Variants in FAM120B observed in about 807,000 individuals in gnomAD.
FAM120B encodes the protein constitutive coactivator of peroxisome proliferator-activated receptor gamma.
FAM120B carries 83 observed loss-of-function variants against 96.3 expected under a neutral mutation model. That is an observed-to-expected ratio of 0.86 (90% CI 0.72 to 1.03). FAM120B has a LOEUF of 1.03. FAM120B is among the 50% of genes least tolerant of loss of function. The probability of loss-of-function intolerance (pLI) is 0.00; values close to 1 mark genes in which losing one functional copy is unlikely to be tolerated. For synonymous variants in FAM120B, 407 were observed against 402.7 expected (o/e 1.01, Z -0.13); for missense variants, 1,027 against 1,121.2 (o/e 0.92, Z 1.20).
intron 4 of FAM120B, among the ~76,000 whole-genome samples, chr6:170,340,585 A>G (rs1176294924): frequency 6.6e-6 from 1 of 151,954 alleles, no homozygotes; most frequent in African/African-American, 2.4e-5. Context: ...GGTTTTTGTA[A>G]TTTTCAGCAT....
upstream of FAM120B, among the ~76,000 whole-genome samples, chr6:170,303,244 CT>C (rs574946316): frequency 6.6e-6 from 1 of 151,984 alleles, no homozygotes; most frequent in Admixed American, 6.6e-5. Context: ...CTTTCTTTTC[CT>C]TTTTTTGTGT....
intron 1 of FAM120B, among the ~76,000 whole-genome samples, chr6:170,311,796 C>T (rs899260439): frequency 6.6e-6 from 1 of 152,168 alleles, no homozygotes; most frequent in African/African-American, 2.4e-5. Context: ...ATAAAATTAC[C>T]TGGTATTGTT....
rs1394455024 is a variant in FAM120B at position 170,361,229 on chromosome 6, T to TACAC, written c.2283+2912_2283+2913insCACA. Among the ~76,000 whole-genome samples, 8 of 125,274 alleles carry TACAC rather than the reference T, an allele frequency of 6.4e-5. No homozygotes were observed. In the East Asian group the frequency reaches 1.4e-3, roughly 21 times the overall value. The allele number at this position is 125,274 out of a possible 152,430, so 82.2% of individuals were successfully genotyped here. A position where few individuals can be genotyped will look rare whatever the true frequency, so the allele number is the denominator to read the frequency against. On this transcript the variant is annotated intron_variant, in intron 6 of 10. Coordinates refer to ENST00000476287, the MANE Select transcript of FAM120B (RefSeq NM_032448.3). ...ATATATATATATATATATATATATA[T>TACAC]ATATATACACGTATATATATATATA... is the stretch of plus-strand genomic sequence containing the variant.
At chr6:170,319,699 A>G (rs909666359) in intron 2 of FAM120B, among the ~76,000 whole-genome samples, 18 of 152,344 alleles carry the variant, frequency 1.2e-4, no homozygotes, top group African/African-American at 4.3e-4. Context: ...TTCCCCAAAG[A>G]GGTAGAACTG....
chr6:170,303,602 G>T (rs563714208), upstream of FAM120B, among the ~76,000 whole-genome samples: 1 of 152,100 alleles, frequency 6.6e-6, no homozygotes, highest in African/African-American at 2.4e-5. Context: ...TCAATTGTGC[G>T]TATAGTCTAT....
intron 1 of FAM120B, among the ~76,000 whole-genome samples, chr6:170,311,697 A>G (rs1424016213): frequency 6.6e-6 from 1 of 152,150 alleles, no homozygotes. Context: ...GAGGGCAGGG[A>G]TCTCATCTGT....
At chr6:170,299,816 A>G (rs912266085) in intron 1 of FAM120B, among the ~76,000 whole-genome samples, 2 of 152,250 alleles carry the variant, frequency 1.3e-5, no homozygotes, top group African/African-American at 4.8e-5. Flanking sequence ...TGGCTCTGCC[A>G]CGTCAAGGCC....
At chr6:170,359,119 G>A (rs547176388) in intron 6 of FAM120B, among the ~76,000 whole-genome samples, 2 of 152,138 alleles carry the variant, frequency 1.3e-5, no homozygotes, top group East Asian at 3.9e-4. Flanking sequence ...TCACAACTTA[G>A]GCCGGGTGCA....
chr6:170,354,702 T>C (rs1787785395), intron 5 of FAM120B, among the ~76,000 whole-genome samples: 1 of 151,592 alleles, frequency 6.6e-6, no homozygotes. Flanking sequence ...GGCAGGCAGA[T>C]CACGATGTCA....
rs371642283 is a variant in FAM120B, at chr6:170,341,370, C to T, written c.2018-6781C>T. Among the ~76,000 whole-genome samples, 3 of 152,196 alleles carry T rather than the reference C, an allele frequency of 2.0e-5. No individual in the cohort carries two copies. The East Asian group carries it at 5.8e-4, about 29-fold the overall frequency. On this transcript the variant is annotated intron_variant, in intron 4 of 10. Transcript: ENST00000476287. Reference sequence around the variant, plus strand: ...CCCACCAAGCTCGATCGTCCCAGGTCGACTTCAGACTGCTGTGCTGGCAGT... The same window carrying T: ...CCCACCAAGCTCGATCGTCCCAGGTTGACTTCAGACTGCTGTGCTGGCAGT...
chr6:170,318,548 G>A lies in FAM120B; in HGVS notation c.1158G>A (p.Arg386=). 6.8e-7 allele frequency: 1 copy of A among 1,471,282 alleles called. No homozygotes were observed. The highest frequency in any genetic ancestry group is 9.2e-7 in the Non-Finnish European group (1 of 1,092,240). The allele number at this position is 1,471,282 out of a possible 1,614,324, so 91.1% of individuals were successfully genotyped here. A position where few individuals can be genotyped will look rare whatever the true frequency, so the allele number is the denominator to read the frequency against. Residue 386 remains arginine, a synonymous_variant, in exon 2 of 11, where the codon AGG becomes AGA. Transcript: ENST00000476287. ...CCATGTGTTCAGACCCTGAACCCAG[G>A]CAAGAAGTTCCCACGTGTACAGGCC... The part of the protein sequence containing the change: ...EVPMCSDPEP[R]QEVPTCTGPE...
chr6:170,371,869 A>G (rs1023267955), intron 6 of FAM120B, among the ~76,000 whole-genome samples: 2 of 152,206 alleles, frequency 1.3e-5, no homozygotes, highest in Non-Finnish European at 2.9e-5. Flanking sequence ...TCAGGCTTGG[A>G]GCAGAGAAGA....
intron 6 of FAM120B, among the ~76,000 whole-genome samples, chr6:170,382,775 T>C (rs922412112): frequency 6.6e-6 from 1 of 152,214 alleles, no homozygotes; most frequent in African/African-American, 2.4e-5. Flanking sequence ...CAAGGTATTT[T>C]TTTGTAGATG....
At position 170,335,870 on chromosome 6, in the gene FAM120B, G is replaced by C. The variant is rs574570798; in HGVS notation, c.2017+5320G>C. Among the ~76,000 whole-genome samples, 117 of 152,234 alleles carry C rather than the reference G, an allele frequency of 7.7e-4. 2 individuals carry two copies. The highest frequency in any genetic ancestry group is 2.6e-3 in the African/African-American group (108 of 41,552). ...AAATGTCTTCTTTTGAGAAGTGTCT[G>C]TTCATATCCTTCATCCACTTTTTGA... On this transcript the variant is annotated intron_variant, in intron 4 of 10. Coordinates refer to ENST00000476287, the MANE Select transcript of FAM120B (RefSeq NM_032448.3).
At chr6:170,388,587 A>G (rs1439278129) in intron 7 of FAM120B, 94 bp downstream of exon 7, 1 of 1,034,002 alleles carries the variant, frequency 9.7e-7, no homozygotes, top group African/African-American at 1.6e-5. Flanking sequence ...TTTTCAAATT[A>G]ATGCTTTCCA....
At position 170,358,258 on chromosome 6, in the gene FAM120B, G is replaced by C. The variant is rs762776102; in HGVS notation, c.2223G>C (p.Ala741=). Residue 741 remains alanine (A), a synonymous_variant, in exon 6 of 11, where the codon GCG becomes GCC. Coordinates refer to ENST00000476287, the MANE Select transcript of FAM120B (RefSeq NM_032448.3). ...VDTLCLEDLH[A]FIAQALCLQG... ...CGCTTTGCCTGGAGGATTTGCATGC[G>C]TTTATTGCGCAGGCCTTGTGCCTCC... is the stretch of plus-strand genomic sequence containing the variant. 2 of 1,606,722 alleles carry C rather than the reference G, an allele frequency of 1.2e-6. No individual in the cohort carries two copies. The highest frequency in any genetic ancestry group is 2.2e-5 in the East Asian group (1 of 44,798).
At chr6:170,385,781 T>G (rs1790153134) in intron 6 of FAM120B, among the ~76,000 whole-genome samples, 1 of 152,186 alleles carries the variant, frequency 6.6e-6, no homozygotes, top group Non-Finnish European at 1.5e-5. Context: ...ATCCAGACAG[T>G]GGAATGTTAT....
At chr6:170,358,451 G>A (rs1226935043) in intron 6 of FAM120B, 133 bp downstream of exon 6, 6 of 675,476 alleles carry the variant, frequency 8.9e-6, no homozygotes, top group South Asian at 1.9e-5. Context: ...TCGTGATGCA[G>A]TAGTTTGTCT....
intron 9 of FAM120B, among the ~76,000 whole-genome samples, chr6:170,399,851 A>T (rs1192077250): frequency 1.3e-4 from 4 of 30,212 alleles, no homozygotes; most frequent in African/African-American, 5.3e-4. Flanking sequence ...GAACTATGTC[A>T]TAACTTAGGA....
Sources: gnomAD v4.1 joint callset for allele counts (sites outside exome capture counted in the v4.1 genomes callset) on GRCh38, gnomAD v4.1.1 for gene constraint, MANE v1.5 for transcripts, NCBI Gene and HGNC (gene_info 2026-07-23, HGNC 2026-07-21) for gene names.